PLEKHM3: variants seen among roughly 807,000 people sequenced by gnomAD.
The protein encoded by PLEKHM3 is pleckstrin homology domain-containing family M member 3.
A neutral mutation model predicts 81.8 loss-of-function variants in PLEKHM3; 45 were observed. The observed-to-expected ratio is 0.55, with a 90% CI of 0.43 to 0.71. The LOEUF is 0.71. Among genes scored for constraint, PLEKHM3 ranks in the 30% least tolerant of loss-of-function variants. PLEKHM3 has a pLI of 0.00. For missense variants in PLEKHM3, 788 were observed against 924.3 expected (o/e 0.85, Z 1.91); for synonymous variants, 352 against 356.4 (o/e 0.99, Z 0.14).
intron 6 of PLEKHM3, among the ~76,000 whole-genome samples, chr2:207,905,070 A>G (rs16840140): frequency 0.019 from 2,883 of 152,280 alleles, 90 homozygotes; most frequent in African/African-American, 0.066. Flanking sequence ...ATAAGAGCTA[A>G]TGGGAAAAAT....
At chr2:208,021,779 G>T in intron 1 of PLEKHM3, among the ~76,000 whole-genome samples, 1 of 152,016 alleles carries the variant, frequency 6.6e-6, no homozygotes. Context: ...TGTAGATTTT[G>T]TTTTTTTAAA....
chr2:207,931,152 GAAGCAC>G, intron 4 of PLEKHM3, 33 bp from the exon 5 acceptor site: 1 of 1,566,584 alleles, frequency 6.4e-7, no homozygotes. Context: ...CAGTCCTGGA[GAAGCAC>G]CTGGCTCTCC....
intron 6 of PLEKHM3, among the ~76,000 whole-genome samples, chr2:207,868,291 C>G (rs150219222): frequency 6.6e-6 from 1 of 150,438 alleles, no homozygotes; most frequent in East Asian, 1.9e-4. Context: ...TTTTTTAAAT[C>G]TAAACATGGT....
At position 208,010,796 on chromosome 2, in the gene PLEKHM3, T is replaced by TA. The variant is rs1187608134; in HGVS notation, c.-318-8840dup. On this transcript the variant is annotated intron_variant, in intron 1 of 7. Transcript: ENST00000427836. ...GAATCTTCTACTTGAGCCTGAGTAA[T>TA]AGAGGCTGTGTTTCTAAATTCAATA... Among the ~76,000 whole-genome samples, 4 of 152,198 alleles carry TA rather than the reference T, an allele frequency of 2.6e-5. No homozygotes were observed. The East Asian group carries it at 7.7e-4, about 29-fold the overall frequency.
intron 5 of PLEKHM3, among the ~76,000 whole-genome samples, chr2:207,918,782 T>C (rs1689083906): frequency 6.6e-6 from 1 of 152,222 alleles, no homozygotes; most frequent in Non-Finnish European, 1.5e-5. Context: ...GCCCCCACTA[T>C]ATGTATAGCT....
chr2:207,942,306 G>C (rs917176947), intron 4 of PLEKHM3, among the ~76,000 whole-genome samples: 5 of 152,054 alleles, frequency 3.3e-5, no homozygotes, highest in Admixed American at 2.6e-4. Context: ...TCAGGAGTTC[G>C]AGGCCAGCCT....
chr2:207,959,278 C>G (rs1418004712), intron 3 of PLEKHM3, among the ~76,000 whole-genome samples: 1 of 152,072 alleles, frequency 6.6e-6, no homozygotes, highest in East Asian at 1.9e-4. Context: ...AGTGATTTCC[C>G]CTGGTATTTA....
intron 1 of PLEKHM3, among the ~76,000 whole-genome samples, chr2:208,008,203 G>A (rs12987657): frequency 2.6e-5 from 4 of 151,482 alleles, no homozygotes; most frequent in South Asian, 2.1e-4. Flanking sequence ...GAACTACTGC[G>A]CTCCAGCCTG....
intron 1 of PLEKHM3, among the ~76,000 whole-genome samples, chr2:208,019,389 T>A (rs922551778): frequency 6.6e-6 from 1 of 152,056 alleles, no homozygotes; most frequent in Non-Finnish European, 1.5e-5. Flanking sequence ...TCCACCACCA[T>A]CACCCTCATC....
chr2:207,825,259 G>T lies in PLEKHM3; in HGVS notation c.*3060C>A, dbSNP rs1209416266. On this transcript the variant is annotated 3_prime_UTR_variant, in exon 8 of 8. Coordinates refer to ENST00000427836, the MANE Select transcript of PLEKHM3 (RefSeq NM_001080475.3). The stretch of plus-strand genomic sequence containing the variant: ...TGCCAACATTTCACCAGGGTTGGAC[G>T]ATCTCACACATGAGTTTCTGGCACT... The T allele has an allele frequency of 2.0e-5, 3 of 152,094 alleles. No individual in the cohort carries two copies. Among genetic ancestry groups the T allele is most frequent in the Non-Finnish European group, 4.4e-5 (3 of 68,020 alleles). The allele number at this position is 152,094 out of a possible 1,614,324, so 9.4% of individuals were successfully genotyped here. A position where few individuals can be genotyped will look rare whatever the true frequency, so the allele number is the denominator to read the frequency against.
At chr2:207,977,832 T>G (rs1691372918) in intron 2 of PLEKHM3, among the ~76,000 whole-genome samples, 1 of 152,160 alleles carries the variant, frequency 6.6e-6, no homozygotes, top group African/African-American at 2.4e-5. Flanking sequence ...ACACTTCTAA[T>G]CCCAGCATTT....
At chr2:207,959,683 C>A (rs543563605) in intron 3 of PLEKHM3, among the ~76,000 whole-genome samples, 1 of 152,320 alleles carries the variant, frequency 6.6e-6, no homozygotes, top group African/African-American at 2.4e-5. Context: ...TTTGCTAAAA[C>A]CTCCTAAAAA....
chr2:207,837,591 C>T (rs1285145465), intron 7 of PLEKHM3, among the ~76,000 whole-genome samples: 1 of 148,472 alleles, frequency 6.7e-6, no homozygotes, highest in Non-Finnish European at 1.5e-5. Flanking sequence ...CAGAGCGACA[C>T]TTCATCTCAA....
At chr2:207,870,090 A>G (rs145107345) in intron 6 of PLEKHM3, among the ~76,000 whole-genome samples, 85 of 152,318 alleles carry the variant, frequency 5.6e-4, no homozygotes, top group Non-Finnish European at 1.0e-3. Context: ...AGGAAATTGC[A>G]GTGTCATGTT....
intron 5 of PLEKHM3, among the ~76,000 whole-genome samples, chr2:207,922,414 C>T (rs185610902): frequency 1.3e-5 from 2 of 152,332 alleles, no homozygotes; most frequent in East Asian, 1.9e-4. Flanking sequence ...TATTGCACCA[C>T]TAGCATGTGT....
intron 4 of PLEKHM3, among the ~76,000 whole-genome samples, chr2:207,937,429 G>C (rs1053165579): frequency 2.0e-5 from 3 of 152,196 alleles, no homozygotes; most frequent in African/African-American, 7.2e-5. Context: ...AATTAGCCAG[G>C]TGTAGTGGCG....
intron 3 of PLEKHM3, among the ~76,000 whole-genome samples, chr2:207,969,891 G>A (rs1042233568): frequency 6.6e-6 from 1 of 152,106 alleles, no homozygotes; most frequent in African/African-American, 2.4e-5. Flanking sequence ...TTTTTCTAAA[G>A]TTGAGCAAGG....
intron 6 of PLEKHM3, among the ~76,000 whole-genome samples, chr2:207,888,637 G>A (rs577134568): frequency 2.0e-5 from 3 of 152,102 alleles, no homozygotes; most frequent in East Asian, 3.9e-4. Context: ...CTCGTGATCT[G>A]CCCACCTCGG....
At chr2:207,934,674 G>A (rs1689689986) in intron 4 of PLEKHM3, among the ~76,000 whole-genome samples, 1 of 152,142 alleles carries the variant, frequency 6.6e-6, no homozygotes, top group Admixed American at 6.5e-5. Flanking sequence ...ACATTCAGGA[G>A]GAGGTGGAGA....
Sources: allele counts gnomAD v4.1 joint callset (sites outside exome capture counted in the v4.1 genomes callset), GRCh38; gene constraint gnomAD v4.1.1; transcripts MANE v1.5; gene names NCBI Gene and HGNC (gene_info 2026-07-23, HGNC 2026-07-21).